LAMB4: variants seen among roughly 807,000 people sequenced by gnomAD.
LAMB4 encodes the protein laminin subunit beta-4.
In LAMB4, 196 loss-of-function variants were observed where a neutral mutation model predicts 199.2. The ratio of observed to expected loss-of-function variants is 0.98; its 90% CI spans 0.88 to 1.11. LAMB4 has a LOEUF of 1.11. Ranked by LOEUF, LAMB4 falls within the 50% of genes least tolerant of loss-of-function variation. The pLI is 0.00. For synonymous variants in LAMB4, 744 were observed against 770.6 expected (o/e 0.97, Z 0.57); for missense variants, 2,080 against 2,171.2 (o/e 0.96, Z 0.83).
At chr7:108,059,161 A>C (rs1397781266) in intron 23 of LAMB4, among the ~76,000 whole-genome samples, 1 of 131,666 alleles carries the variant, frequency 7.6e-6, no homozygotes, top group Admixed American at 9.4e-5. Flanking sequence ...GCTGGAGTGC[A>C]GTGGCGTGAT....
At position 108,107,770 on chromosome 7, in the gene LAMB4, T is replaced by G. The variant is rs1193161496; in HGVS notation, c.452A>C (p.His151Pro). Residue 151 changes from histidine (H) to proline (P), a missense_variant, in exon 6 of 34, where the codon CAC (histidine) becomes CCC (proline). Transcript: ENST00000388781. ...MLVERSTDYG[H>P]NWKVFKYFAK... ...AAAATATTTGAACACTTTCCAGTTG[T>G]GTCCATAGTCTGTGGAACGTTCAAC... is the stretch of plus-strand genomic sequence containing the variant. 1.5e-5 allele frequency: 24 copies of G among 1,612,766 alleles called. No homozygotes were observed. Among genetic ancestry groups the G allele is most frequent in the Non-Finnish European group, 2.0e-5 (24 of 1,179,758 alleles).
At chr7:108,069,250 G>A (rs1369158743) in intron 18 of LAMB4, among the ~76,000 whole-genome samples, 1 of 152,222 alleles carries the variant, frequency 6.6e-6, no homozygotes, top group South Asian at 2.1e-4. Context: ...CAGGGCTGCT[G>A]CTAAACACCT....
At chr7:108,120,147 A>G (rs2038549349) in intron 2 of LAMB4, among the ~76,000 whole-genome samples, 1 of 152,202 alleles carries the variant, frequency 6.6e-6, no homozygotes, top group Non-Finnish European at 1.5e-5. Context: ...AATAATAACC[A>G]TACAGTGAAA....
intron 23 of LAMB4, among the ~76,000 whole-genome samples, chr7:108,060,355 A>T (rs1267511437): frequency 1.3e-5 from 2 of 152,170 alleles, no homozygotes; most frequent in African/African-American, 4.8e-5. Context: ...TCCCTCAAGA[A>T]TTGGGAAGCC....
In LAMB4 at chr7:108,078,274, CA is replaced by C; in HGVS notation, c.1929del (p.Gly644GlufsTer35). Reference sequence around the variant, plus strand: ...TTGGGTATGCAGTGCTCACTCCCTCCAGGGGGGTTCACCACAATCTGGACAG... The same window carrying C: ...TTGGGTATGCAGTGCTCACTCCCTCCGGGGGGTTCACCACAATCTGGACAG... ...DWTVQIVVNPPGGSEHCIPKT... is the reference protein window; with the variant it reads ...DWTVQIVVNPXGGSEHCIPKT... On this transcript the variant is annotated frameshift_variant, in exon 16 of 34. Transcript: ENST00000388781. LOFTEE classifies it high-confidence loss of function. 6.2e-7 allele frequency: 1 copy of C among 1,610,592 alleles called. No homozygotes were observed.
intron 32 of LAMB4, 28 bp downstream of exon 32, chr7:108,030,778 T>C: frequency 6.2e-7 from 1 of 1,601,800 alleles, no homozygotes; most frequent in Non-Finnish European, 8.5e-7. Flanking sequence ...GCTTTTCTGC[T>C]CTTGGTGGCA....
intron 16 of LAMB4, 71 bp from the exon 17 acceptor site, chr7:108,077,135 AT>A: frequency 6.7e-7 from 1 of 1,486,418 alleles, no homozygotes; most frequent in Non-Finnish European, 9.3e-7. Context: ...TGGCCATAGT[AT>A]TTGGTAGCAT....
chr7:108,093,557 T>C (rs972210506), intron 12 of LAMB4, among the ~76,000 whole-genome samples: 1 of 152,200 alleles, frequency 6.6e-6, no homozygotes, highest in Non-Finnish European at 1.5e-5. Context: ...CATGAATCCA[T>C]ATGAGAGAGT....
chr7:108,048,390 T>C (rs1324560599), intron 27 of LAMB4, among the ~76,000 whole-genome samples: 1 of 152,082 alleles, frequency 6.6e-6, no homozygotes. Flanking sequence ...GGTCTCAAAC[T>C]CCTGACCTCA....
chr7:108,067,760 C>G, intron 19 of LAMB4, among the ~76,000 whole-genome samples: 1 of 152,188 alleles, frequency 6.6e-6, no homozygotes, highest in African/African-American at 2.4e-5. Context: ...CTGCAAACTT[C>G]CAGAGGCATG....
intron 2 of LAMB4, 32 bp downstream of exon 2, chr7:108,123,099 G>A (rs368268657): frequency 3.0e-5 from 47 of 1,584,568 alleles, no homozygotes; most frequent in Non-Finnish European, 3.7e-5. Context: ...GACAGCGCAA[G>A]CAGTAAATAG....
intron 8 of LAMB4, 95 bp from the exon 9 acceptor site, chr7:108,104,714 C>T: frequency 5.2e-6 from 7 of 1,335,884 alleles, no homozygotes; most frequent in Non-Finnish European, 7.2e-6. Flanking sequence ...GTCCTGGTAC[C>T]TCTCTGATCC....
At chr7:108,123,689 G>A (rs1056225401) in intron 1 of LAMB4, among the ~76,000 whole-genome samples, 6 of 152,338 alleles carry the variant, frequency 3.9e-5, no homozygotes, top group African/African-American at 1.4e-4. Flanking sequence ...CCTCTCTCAA[G>A]AGCCTTTTCT....
the LAMB4 span, among the ~76,000 whole-genome samples, chr7:108,012,807 T>A: frequency 6.6e-6 from 1 of 152,164 alleles, no homozygotes; most frequent in Admixed American, 6.6e-5. Context: ...CCACCCTCAA[T>A]ATACTCACCA....
chr7:108,027,323 G>GA (rs541676575), intron 33 of LAMB4, among the ~76,000 whole-genome samples: 11 of 151,788 alleles, frequency 7.2e-5, no homozygotes, highest in South Asian at 4.2e-4. Context: ...ACTTAAAAAT[G>GA]AAAAAAAATT....
At chr7:108,119,317 C>T (rs2038518297) in intron 2 of LAMB4, among the ~76,000 whole-genome samples, 1 of 152,232 alleles carries the variant, frequency 6.6e-6, no homozygotes, top group Admixed American at 6.5e-5. Flanking sequence ...TATGTTCACA[C>T]AAAAACCCTA....
intron 23 of LAMB4, chr7:108,062,509 G>A (rs1167138944): frequency 3.7e-6 from 1 of 273,392 alleles, no homozygotes; most frequent in Non-Finnish European, 6.8e-6. Flanking sequence ...TGAGGCTGAT[G>A]TCTGTGTTTC....
chr7:108,051,370 A>C (rs1348441373), intron 26 of LAMB4, among the ~76,000 whole-genome samples: 2 of 152,088 alleles, frequency 1.3e-5, no homozygotes, highest in Non-Finnish European at 2.9e-5. Flanking sequence ...AAGCAGCCAA[A>C]GTTTTTTCCT....
intron 3 of LAMB4, among the ~76,000 whole-genome samples, chr7:108,114,820 A>G (rs1181821215): frequency 6.6e-6 from 1 of 152,198 alleles, no homozygotes; most frequent in African/African-American, 2.4e-5. Flanking sequence ...CGATACTCAG[A>G]TGACCTTGGA....
Sources: gnomAD v4.1 joint callset for allele counts (sites outside exome capture counted in the v4.1 genomes callset) on GRCh38, gnomAD v4.1.1 for gene constraint, MANE v1.5 for transcripts, NCBI Gene and HGNC (gene_info 2026-07-23, HGNC 2026-07-21) for gene names.